The following LRRTM4 variants were observed in gnomAD, a reference collection of about 807,000 sequenced individuals.
LRRTM4 encodes leucine rich repeat transmembrane neuronal 4, also known as leucine-rich repeat transmembrane neuronal protein 4.
LRRTM4 carries 25 observed loss-of-function variants against 47.6 expected under a neutral mutation model. The observed-to-expected ratio is 0.53, with a 90% CI of 0.38 to 0.73. The LOEUF (loss-of-function observed/expected upper bound fraction) is 0.73. Ranked by LOEUF, LRRTM4 falls within the 30% of genes least tolerant of loss-of-function variation. The pLI is 0.00. For missense variants in LRRTM4, 638 were observed against 713.4 expected, an observed-to-expected ratio of 0.89 and a Z score of 1.20; for synonymous variants, 311 against 269.5, an observed-to-expected ratio of 1.15 and a Z score of -1.51.
In LRRTM4 at chr2:77,126,223, G is replaced by C. The variant is rs1234528748; in HGVS notation, c.1552-377307C>G. On this transcript the variant is annotated intron_variant, in intron 3 of 3. Coordinates refer to ENST00000409884, the MANE Select transcript of LRRTM4 (RefSeq NM_001134745.3). ...CTTGATTATTGTTTATTTAAAACTT[G>C]ATGACATAGTCCAATAAAGGAATAC... 6.6e-5 allele frequency among the ~76,000 whole-genome samples: 10 copies of C among 151,878 alleles called. 1 individual carries two copies. The East Asian group carries it at 1.7e-3, about 26-fold the overall frequency.
rs111819166 is a variant in LRRTM4 at position 77,484,108 on chromosome 2, C to T, written c.1551+34210G>A. Among the ~76,000 whole-genome samples, 551 of 152,266 alleles carry T rather than the reference C, an allele frequency of 3.6e-3. 4 individuals are homozygous for T. The highest frequency in any genetic ancestry group is 0.013 in the African/African-American group (522 of 41,562). ...ATTTATTTTAGTGGTTTGAGCCTAACTAAAGGGTGTCTAGACACACACAAT... is the reference window on the plus strand; with the variant it reads ...ATTTATTTTAGTGGTTTGAGCCTAATTAAAGGGTGTCTAGACACACACAAT... On this transcript the variant is annotated intron_variant, in intron 3 of 3. Coordinates refer to ENST00000409884, the MANE Select transcript of LRRTM4 (RefSeq NM_001134745.3).
intron 3 of LRRTM4, among the ~76,000 whole-genome samples, chr2:76,949,890 C>G (rs372052243): frequency 6.6e-6 from 1 of 151,942 alleles, no homozygotes; most frequent in East Asian, 1.9e-4. Flanking sequence ...TGGTCAAGAT[C>G]ATAGGCTAAG....
intron 3 of LRRTM4, among the ~76,000 whole-genome samples, chr2:77,225,221 G>C (rs930483273): frequency 2.3e-5 from 3 of 127,682 alleles, no homozygotes; most frequent in Admixed American, 8.2e-5. Flanking sequence ...TGTGGGGTGG[G>C]GGGAGGGGGG....
intron 3 of LRRTM4, among the ~76,000 whole-genome samples, chr2:77,121,969 A>T (rs544465577): frequency 1.3e-5 from 2 of 151,976 alleles, no homozygotes; most frequent in African/African-American, 4.8e-5. Flanking sequence ...TAATATCATT[A>T]TTAGCAATTA....
intron 3 of LRRTM4, among the ~76,000 whole-genome samples, chr2:76,813,449 C>T (rs2103830395): frequency 6.6e-6 from 1 of 152,210 alleles, no homozygotes; most frequent in South Asian, 2.1e-4. Flanking sequence ...AATTTCATGA[C>T]AGGAGATCCC....
intron 3 of LRRTM4, among the ~76,000 whole-genome samples, chr2:76,918,487 G>A (rs975815283): frequency 3.9e-5 from 6 of 152,214 alleles, no homozygotes; most frequent in Admixed American, 3.3e-4. Context: ...TTTAAGTTTT[G>A]TCTAGGAATA....
At chr2:76,998,679 A>C (rs66769122) in intron 3 of LRRTM4, among the ~76,000 whole-genome samples, 23,474 of 151,840 alleles carry the variant, frequency 0.15, 1,909 homozygotes, top group Admixed American at 0.21. Context: ...GAGAAAAAAA[A>C]CCCAAAAAAA....
chr2:77,136,846 C>T (rs548423036), intron 3 of LRRTM4, among the ~76,000 whole-genome samples: 36 of 151,786 alleles, frequency 2.4e-4, no homozygotes, highest in South Asian at 1.0e-3. Flanking sequence ...CTTCAGTAGC[C>T]GATTCGATCA....
At chr2:77,425,766 C>A (rs1675079631) in intron 3 of LRRTM4, among the ~76,000 whole-genome samples, 2 of 152,092 alleles carry the variant, frequency 1.3e-5, no homozygotes, top group African/African-American at 4.8e-5. Flanking sequence ...TCCTTTCAAG[C>A]CTTGGCTCCT....
chr2:77,379,966 T>C lies in LRRTM4; in HGVS notation c.1551+138352A>G, dbSNP rs916925082. 4.6e-5 allele frequency among the ~76,000 whole-genome samples: 7 copies of C among 152,180 alleles called. No homozygotes were observed. The East Asian group carries it at 1.4e-3, about 29-fold the overall frequency. ...TTCATAACAACATATTTATTGCACA[T>C]AGCAAGCAATAAGAAGGCATATGTA... On this transcript the variant is annotated intron_variant, in intron 3 of 3. Coordinates refer to ENST00000409884, the MANE Select transcript of LRRTM4 (RefSeq NM_001134745.3).
intron 3 of LRRTM4, among the ~76,000 whole-genome samples, chr2:77,323,006 T>C (rs747280323): frequency 3.9e-5 from 6 of 152,026 alleles, no homozygotes; most frequent in Non-Finnish European, 7.4e-5. Flanking sequence ...ACATTTATTG[T>C]CTCTCAATAG....
intron 3 of LRRTM4, among the ~76,000 whole-genome samples, chr2:77,104,639 C>T (rs1320955664): frequency 6.6e-6 from 1 of 152,164 alleles, no homozygotes; most frequent in Non-Finnish European, 1.5e-5. Flanking sequence ...GAAGGAAGCA[C>T]AAGATCCGAC....
chr2:77,262,237 T>C (rs1675936159), intron 3 of LRRTM4, among the ~76,000 whole-genome samples: 2 of 152,046 alleles, frequency 1.3e-5, no homozygotes, highest in Admixed American at 6.6e-5. Flanking sequence ...TACAATGTAA[T>C]AATAATAGAA....
intron 3 of LRRTM4, among the ~76,000 whole-genome samples, chr2:77,013,174 A>AG: frequency 8.6e-6 from 1 of 115,712 alleles, no homozygotes; most frequent in South Asian, 2.5e-4. Context: ...GGGCTGAATC[A>AG]GGAGGGAAAG....
intron 3 of LRRTM4, among the ~76,000 whole-genome samples, chr2:77,070,697 C>A (rs541934080): frequency 3.3e-5 from 5 of 152,234 alleles, no homozygotes; most frequent in African/African-American, 1.2e-4. Flanking sequence ...ATGGCATGCT[C>A]TCCGCTCACT....
intron 3 of LRRTM4, among the ~76,000 whole-genome samples, chr2:76,985,248 A>T (rs1255655049): frequency 1.3e-5 from 2 of 152,152 alleles, no homozygotes; most frequent in Non-Finnish European, 2.9e-5. Flanking sequence ...TATTAGAAAG[A>T]TGTAAAAGTT....
rs371245691 is a variant in LRRTM4 at position 77,184,716 on chromosome 2, T to C, written c.1551+333602A>G. On this transcript the variant is annotated intron_variant, in intron 3 of 3. Coordinates refer to ENST00000409884, the MANE Select transcript of LRRTM4 (RefSeq NM_001134745.3). ...CAAGCACAATTCAGAAAAACTGATA[T>C]CTACATAAATGTTAAATTTGTATCT... Among the ~76,000 whole-genome samples, 105 of 152,236 alleles carry C rather than the reference T, an allele frequency of 6.9e-4. 1 individual carries two copies. The South Asian group carries it at 0.021, about 30-fold the overall frequency.
intron 3 of LRRTM4, among the ~76,000 whole-genome samples, chr2:77,302,547 A>C (rs1417990954): frequency 6.6e-6 from 1 of 152,190 alleles, no homozygotes; most frequent in Non-Finnish European, 1.5e-5. Flanking sequence ...TTTGATAATT[A>C]AATAAAAAAG....
chr2:77,154,737 T>C (rs954198020), intron 3 of LRRTM4, among the ~76,000 whole-genome samples: 1 of 152,086 alleles, frequency 6.6e-6, no homozygotes, highest in African/African-American at 2.4e-5. Flanking sequence ...AAAACATAAA[T>C]GAAGAATAGG....
Sources: gnomAD v4.1 joint callset for allele counts (sites outside exome capture counted in the v4.1 genomes callset) on GRCh38, gnomAD v4.1.1 for gene constraint, MANE v1.5 for transcripts, NCBI Gene and HGNC (gene_info 2026-07-23, HGNC 2026-07-21) for gene names.